The following THSD7B variants were observed in gnomAD, a reference collection of about 807,000 sequenced individuals.
THSD7B encodes the protein thrombospondin type 1 domain containing 7B.
Under a neutral mutation model 213.6 loss-of-function variants are expected in THSD7B, and 138 were observed. The observed-to-expected ratio is 0.65, with a 90% CI of 0.56 to 0.74. THSD7B has a LOEUF of 0.74. Among genes scored for constraint, THSD7B ranks in the 30% least tolerant of loss-of-function variants. The probability of loss-of-function intolerance (pLI) is 0.00; values close to 1 mark genes in which losing one functional copy is unlikely to be tolerated. For missense variants in THSD7B, 1,931 were observed against 1,991.5 expected, an observed-to-expected ratio of 0.97 and a Z score of 0.58; for synonymous variants, 742 against 687.0, an observed-to-expected ratio of 1.08 and a Z score of -1.25.
intron 5 of THSD7B, among the ~76,000 whole-genome samples, chr2:137,116,461 G>C (rs906502904): frequency 1.3e-5 from 2 of 152,154 alleles, no homozygotes; most frequent in African/African-American, 4.8e-5. Context: ...AAACCTTGGT[G>C]ATCTTTCCAT....
intron 1 of THSD7B, among the ~76,000 whole-genome samples, chr2:136,846,919 C>T (rs762836263): frequency 4.6e-5 from 7 of 152,068 alleles, no homozygotes; most frequent in Non-Finnish European, 8.8e-5. Context: ...ATATATTCTC[C>T]TGGGTCTGTG....
chr2:137,451,237 A>C (rs1208350282), intron 15 of THSD7B, among the ~76,000 whole-genome samples: 1 of 152,128 alleles, frequency 6.6e-6, no homozygotes, highest in Non-Finnish European at 1.5e-5. Context: ...TGGTATCCTT[A>C]GTAGTAATAA....
intron 21 of THSD7B, among the ~76,000 whole-genome samples, chr2:137,652,006 A>G (rs998060233): frequency 2.0e-5 from 3 of 152,090 alleles, no homozygotes; most frequent in African/African-American, 7.2e-5. Context: ...CTATGTGCTG[A>G]TGAAAAGAAT....
Position 137,676,639 on chromosome 2 carries a change from G to C in THSD7B, c.*34G>C. The C allele has an allele frequency of 6.6e-7, 1 of 1,510,498 alleles. No individual in the cohort carries two copies. Among genetic ancestry groups the C allele is most frequent in the Non-Finnish European group, 8.8e-7 (1 of 1,130,350 alleles). The allele number at this position is 1,510,498 out of a possible 1,614,324, so 93.6% of individuals were successfully genotyped here. ...AGAAATCCAAATGTAGACATCAACT[G>C]CCTTAACCGCTTTCTCTTTTGTAGC... is the stretch of plus-strand genomic sequence containing the variant. On this transcript the variant is annotated 3_prime_UTR_variant, in exon 28 of 28. Transcript: ENST00000409968.
At chr2:136,777,386 AG>A (rs1287516135) in intron 1 of THSD7B, among the ~76,000 whole-genome samples, 1 of 152,092 alleles carries the variant, frequency 6.6e-6, no homozygotes, top group Non-Finnish European at 1.5e-5. Flanking sequence ...TTCTGAAACT[AG>A]TAGAATTTGC....
chr2:136,979,331 T>C (rs1558874776), intron 2 of THSD7B, among the ~76,000 whole-genome samples: 1 of 152,164 alleles, frequency 6.6e-6, no homozygotes, highest in Non-Finnish European at 1.5e-5. Flanking sequence ...AATGTGAACA[T>C]TGGCCTATTT....
chr2:136,898,921 G>GC, intron 2 of THSD7B, among the ~76,000 whole-genome samples: 1 of 152,104 alleles, frequency 6.6e-6, no homozygotes, highest in African/African-American at 2.4e-5. Flanking sequence ...GATTACAGGT[G>GC]TGAGCCACTG....
At chr2:137,496,092 A>G (rs117940642) in intron 15 of THSD7B, among the ~76,000 whole-genome samples, 3,437 of 152,270 alleles carry the variant, frequency 0.023, 97 homozygotes, top group Admixed American at 0.076. Flanking sequence ...AAGAGAGAAA[A>G]TTTTGAAATT....
At chr2:137,557,098 C>G (rs1680988044) in intron 15 of THSD7B, among the ~76,000 whole-genome samples, 1 of 152,260 alleles carries the variant, frequency 6.6e-6, no homozygotes, top group Non-Finnish European at 1.5e-5. Flanking sequence ...TAATGGGAGA[C>G]TTTAACACCC....
intron 12 of THSD7B, among the ~76,000 whole-genome samples, chr2:137,355,690 A>G (rs1685110406): frequency 6.6e-6 from 1 of 152,172 alleles, no homozygotes; most frequent in African/African-American, 2.4e-5. Flanking sequence ...TTTCTAATGA[A>G]TCAATCTCCA....
At chr2:137,125,734 C>T (rs10928594) in intron 5 of THSD7B, among the ~76,000 whole-genome samples, 101,954 of 152,078 alleles carry the variant, frequency 0.67, 36,143 homozygotes, top group Non-Finnish European at 0.78. Flanking sequence ...ATTTCATTTT[C>T]CCAGATCCAT....
At chr2:137,617,741 G>A (rs1682433336) in intron 18 of THSD7B, among the ~76,000 whole-genome samples, 2 of 152,108 alleles carry the variant, frequency 1.3e-5, no homozygotes, top group Admixed American at 1.3e-4. Context: ...TAGTTCTGGA[G>A]GCTGGAAGTC....
At chr2:137,658,199 T>G (rs948228378) in intron 24 of THSD7B, among the ~76,000 whole-genome samples, 6 of 152,194 alleles carry the variant, frequency 3.9e-5, no homozygotes, top group African/African-American at 1.4e-4. Flanking sequence ...TTAAAGTTTA[T>G]CCACAAAATA....
At chr2:137,573,852 C>T (rs1007424938) in intron 17 of THSD7B, among the ~76,000 whole-genome samples, 6 of 152,096 alleles carry the variant, frequency 3.9e-5, no homozygotes, top group Admixed American at 1.3e-4. Context: ...AGATTTTGCT[C>T]TTATATTCTC....
At chr2:137,190,528 G>C (rs1680636394) in intron 7 of THSD7B, among the ~76,000 whole-genome samples, 1 of 152,056 alleles carries the variant, frequency 6.6e-6, no homozygotes, top group Non-Finnish European at 1.5e-5. Flanking sequence ...CTCTTTTTCT[G>C]AACCCATCGA....
At position 136,933,007 on chromosome 2, in the gene THSD7B, C is replaced by T. The variant is rs534970650; in HGVS notation, c.139+50690C>T. On this transcript the variant is annotated intron_variant, in intron 2 of 27. Coordinates refer to ENST00000409968, the MANE Select transcript of THSD7B (RefSeq NM_001316349.2). ...GCTTTCACAGTGGTTAAAAGAAAGG[C>T]GGTTTTGGAAGTCCAGCTTCTGTTA... is the stretch of plus-strand genomic sequence containing the variant. Among the ~76,000 whole-genome samples, 10 of 152,108 alleles carry T rather than the reference C, an allele frequency of 6.6e-5. 1 individual carries two copies. The South Asian group carries it at 1.5e-3, about 22-fold the overall frequency.
At chr2:137,655,105 T>C (rs920687226) in intron 21 of THSD7B, among the ~76,000 whole-genome samples, 2 of 152,182 alleles carry the variant, frequency 1.3e-5, no homozygotes, top group Admixed American at 6.5e-5. Flanking sequence ...CTGAATTCTA[T>C]AAAAAAGAAA....
intron 15 of THSD7B, chr2:137,538,556 T>A (rs368271703): frequency 4.8e-5 from 24 of 502,362 alleles, no homozygotes; most frequent in African/African-American, 4.8e-4. Flanking sequence ...AGCTTTGATG[T>A]TTTCCTTCAC....
intron 21 of THSD7B, among the ~76,000 whole-genome samples, chr2:137,651,716 C>T (rs1683144539): frequency 6.6e-6 from 1 of 151,992 alleles, no homozygotes; most frequent in African/African-American, 2.4e-5. Flanking sequence ...CCTCTTAATA[C>T]TGCTTTTGCT....
Sources: gnomAD v4.1 joint callset for allele counts (sites outside exome capture counted in the v4.1 genomes callset) on GRCh38, gnomAD v4.1.1 for gene constraint, MANE v1.5 for transcripts, NCBI Gene and HGNC (gene_info 2026-07-23, HGNC 2026-07-21) for gene names.